The following CELA3B variants were observed in gnomAD, a reference collection of about 807,000 sequenced individuals.
The protein encoded by CELA3B is chymotrypsin-like elastase family member 3B.
CELA3B carries 34 observed loss-of-function variants against 37.2 expected under a neutral mutation model. That is an observed-to-expected ratio of 0.91 (90% confidence interval 0.70 to 1.22). The LOEUF is 1.22. Among genes scored for constraint, CELA3B ranks in the 50% most tolerant of loss-of-function variants. CELA3B has a pLI of 0.00. For synonymous variants in CELA3B, 127 were observed against 143.5 expected (o/e 0.89, Z 0.82); for missense variants, 340 against 363.1 (o/e 0.94, Z 0.52).
At chr1:21,992,889 C>T (rs1295080783), downstream of CELA3B, among the ~76,000 whole-genome samples, 1 of 149,066 alleles carries the variant, frequency 6.7e-6, no homozygotes, top group Admixed American at 6.7e-5. Flanking sequence ...CACTTGAGCC[C>T]GAGAGGTTGA....
At chr1:21,986,172 T>G (rs945480700) in intron 6 of CELA3B, among the ~76,000 whole-genome samples, 12 of 151,042 alleles carry the variant, frequency 7.9e-5, no homozygotes, top group South Asian at 2.1e-4. Flanking sequence ...ACTTTGAGAC[T>G]AACCTGGCCA....
chr1:21,996,604 A>G (rs1644891402), intron 4 of CELA3B, among the ~76,000 whole-genome samples: 1 of 151,200 alleles, frequency 6.6e-6, no homozygotes, highest in African/African-American at 2.5e-5. Flanking sequence ...ACTTGCTTTC[A>G]CTTTCCTCTA....
intron 6 of CELA3B, among the ~76,000 whole-genome samples, chr1:21,985,532 C>T (rs1370477602): frequency 6.6e-6 from 1 of 151,902 alleles, no homozygotes; most frequent in African/African-American, 2.4e-5. Context: ...CCTGCCTTGG[C>T]CTTCCAAAGT....
chr1:21,991,932 C>G (rs1644870448), downstream of CELA3B, among the ~76,000 whole-genome samples: 7 of 150,772 alleles, frequency 4.6e-5, no homozygotes, highest in Admixed American at 4.6e-4. Flanking sequence ...CCAGCCTGGC[C>G]AACATGGTGA....
At chr1:21,993,280 G>A (rs1206377975), downstream of CELA3B, among the ~76,000 whole-genome samples, 1 of 151,042 alleles carries the variant, frequency 6.6e-6, no homozygotes, top group Non-Finnish European at 1.5e-5. Flanking sequence ...GGCCAACATG[G>A]CGAAATCCCG....
At chr1:21,998,221 G>A in exon 5 of CELA3B, 1 of 469,490 alleles carries the variant, frequency 2.1e-6, no homozygotes, top group South Asian at 1.6e-5. Context: ...GTGAACACTG[G>A]CATATTAAAG....
intron 4 of CELA3B, among the ~76,000 whole-genome samples, chr1:21,996,752 T>G (rs1644892332): frequency 6.6e-6 from 1 of 150,806 alleles, no homozygotes; most frequent in African/African-American, 2.5e-5. Flanking sequence ...CCACTGCCAT[T>G]GCTCAATAAC....
At chr1:21,981,330 A>G (rs1231680592) in intron 4 of CELA3B, among the ~76,000 whole-genome samples, 158 bp downstream of exon 4, 7 of 101,486 alleles carry the variant, frequency 6.9e-5, no homozygotes, top group Admixed American at 2.3e-4. Context: ...TGAGGATTGA[A>G]GCCAGAAGAG....
downstream of CELA3B, among the ~76,000 whole-genome samples, chr1:21,989,604 G>T (rs1455392241): frequency 6.7e-6 from 1 of 148,686 alleles, no homozygotes. Context: ...GGGACAAGTT[G>T]GTCGCCTTAG....
Position 21,978,306 on chromosome 1 carries a change from C to A in CELA3B, c.44-63C>A. 6.3e-6 allele frequency: 10 copies of A among 1,590,830 alleles called. No homozygotes were observed. The South Asian group carries it at 1.0e-4, about 16-fold the overall frequency. ...TTGAAGGCACGGCTTGGACTGGGACCCTGGCCTCCTCTTTGCTTTTGGGGA... is the reference window on the plus strand; with the variant it reads ...TTGAAGGCACGGCTTGGACTGGGACACTGGCCTCCTCTTTGCTTTTGGGGA... On this transcript the variant is annotated intron_variant, in intron 1 of 7. Coordinates refer to ENST00000337107, the MANE Select transcript of CELA3B (RefSeq NM_007352.4).
downstream of CELA3B, among the ~76,000 whole-genome samples, chr1:21,991,590 C>T (rs1569853491): frequency 1.3e-5 from 2 of 151,064 alleles, no homozygotes; most frequent in Admixed American, 6.6e-5. Context: ...CCCGCCTTGG[C>T]CTCCCAAAGT....
chr1:21,995,896 G>A (rs1258590609), intron 4 of CELA3B, among the ~76,000 whole-genome samples: 26 of 148,914 alleles, frequency 1.7e-4, no homozygotes, highest in African/African-American at 6.3e-4. Context: ...CAGTTTCTCT[G>A]TGTCCCAGTT....
chr1:21,991,615 T>C (rs563070446), downstream of CELA3B, among the ~76,000 whole-genome samples: 33 of 150,610 alleles, frequency 2.2e-4, no homozygotes, highest in Non-Finnish European at 3.7e-4. Context: ...GGATTACAGG[T>C]GTGAGCCACT....
intron 6 of CELA3B, among the ~76,000 whole-genome samples, chr1:21,985,984 T>A (rs12063739): frequency 1.6e-5 from 1 of 62,342 alleles, no homozygotes; most frequent in Non-Finnish European, 3.5e-5. Flanking sequence ...CTATGTTTAC[T>A]GAGTGCTTCT....
chr1:21,995,717 G>A (rs1164275971), intron 4 of CELA3B, among the ~76,000 whole-genome samples: 1 of 149,012 alleles, frequency 6.7e-6, no homozygotes, highest in African/African-American at 2.5e-5. Context: ...AGGGAAGCCA[G>A]AAGAAAGTAT....
downstream of CELA3B, among the ~76,000 whole-genome samples, chr1:21,992,935 T>C (rs962440604): frequency 6.8e-6 from 1 of 146,600 alleles, no homozygotes; most frequent in East Asian, 2.0e-4. Context: ...ACTGTACCAC[T>C]CCAGCCTGGG....
At chr1:21,983,386 T>G (rs1258640579) in intron 4 of CELA3B, among the ~76,000 whole-genome samples, 1 of 148,370 alleles carries the variant, frequency 6.7e-6, no homozygotes, top group Non-Finnish European at 1.5e-5. Context: ...TGCTCTGCCT[T>G]AAGAACGATT....
chr1:21,988,516 G>A (rs1404055481), intron 7 of CELA3B, among the ~76,000 whole-genome samples: 2 of 149,646 alleles, frequency 1.3e-5, no homozygotes, highest in Non-Finnish European at 3.0e-5. Context: ...GCTTGAACTC[G>A]GGAGGCAGAA....
intron 4 of CELA3B, among the ~76,000 whole-genome samples, chr1:21,982,896 G>C (rs1049419249): frequency 1.1e-4 from 16 of 152,152 alleles, no homozygotes; most frequent in Non-Finnish European, 2.2e-4. Context: ...AGCCAGGATG[G>C]TCTCAATCTC....
Sources: allele counts gnomAD v4.1 joint callset (sites outside exome capture counted in the v4.1 genomes callset), GRCh38; gene constraint gnomAD v4.1.1; transcripts MANE v1.5; gene names NCBI Gene and HGNC (gene_info 2026-07-23, HGNC 2026-07-21).